Variants in BPIFB3 observed in about 807,000 individuals in gnomAD.
BPIFB3 encodes the protein BPI fold-containing family B member 3.
In BPIFB3, 49 loss-of-function variants were observed where a neutral mutation model predicts 53.1. That is an observed-to-expected ratio of 0.92 (90% CI 0.73 to 1.17). The LOEUF (loss-of-function observed/expected upper bound fraction) is 1.17, where lower values mean the gene tolerates loss of function less well. BPIFB3 is among the 50% of genes most tolerant of loss of function. The probability of loss-of-function intolerance (pLI) is 0.00; values close to 1 mark genes in which losing one functional copy is unlikely to be tolerated. For synonymous variants in BPIFB3, 271 were observed against 269.6 expected, an observed-to-expected ratio of 1.01 and a Z score of -0.05; for missense variants, 628 against 592.5, an observed-to-expected ratio of 1.06 and a Z score of -0.62.
intron 12 of BPIFB3, 148 bp downstream of exon 13, chr20:33,071,443 C>T: frequency 3.3e-6 from 3 of 899,798 alleles, no homozygotes; most frequent in Non-Finnish European, 5.1e-6. Context: ...GGGCAAATAT[C>T]AGGGCGGGTG....
exon 14 of BPIFB3, chr20:33,072,753 T>C: frequency 6.2e-7 from 1 of 1,613,890 alleles, no homozygotes; most frequent in Non-Finnish European, 8.5e-7. Flanking sequence ...CCTAAGGTTC[T>C]TAATATCAAT....
intron 8 of BPIFB3, among the ~76,000 whole-genome samples, chr20:33,066,164 C>A (rs1980663830): frequency 6.6e-6 from 1 of 152,074 alleles, no homozygotes; most frequent in African/African-American, 2.4e-5. Flanking sequence ...TCTCAAACAT[C>A]AGGGCCCCCG....
chr20:33,059,275 T>G, intron 2 of BPIFB3, 103 bp from the exon 4 acceptor site: 1 of 746,978 alleles, frequency 1.3e-6, no homozygotes, highest in Non-Finnish European at 2.3e-6. Flanking sequence ...GCTGGCTCTG[T>G]GGGTTTGAGG....
chr20:33,063,012 T>C (rs1243359293), intron 5 of BPIFB3, among the ~76,000 whole-genome samples: 1 of 152,224 alleles, frequency 6.6e-6, no homozygotes, highest in Non-Finnish European at 1.5e-5. Context: ...GACTGCATCC[T>C]CTCTGAGGCT....
intron 12 of BPIFB3, 73 bp from the exon 14 acceptor site, chr20:33,072,031 G>A (rs1338104530): frequency 1.3e-5 from 19 of 1,517,110 alleles, no homozygotes; most frequent in Non-Finnish European, 1.6e-5. Flanking sequence ...TCTCTCCCTG[G>A]GAACGGGATG....
chr20:33,065,163 T>C (rs1980620348), intron 8 of BPIFB3, among the ~76,000 whole-genome samples: 1 of 152,172 alleles, frequency 6.6e-6, no homozygotes, highest in Non-Finnish European at 1.5e-5. Flanking sequence ...CATACCTGTA[T>C]CAGATGAGCC....
chr20:33,059,291 TA>T, intron 2 of BPIFB3, 86 bp from the exon 4 acceptor site: 2 of 899,342 alleles, frequency 2.2e-6, no homozygotes, highest in South Asian at 1.5e-5. Context: ...TGAGGTGAGA[TA>T]GGGGACACCA....
chr20:33,070,253 G>A (rs1259922678), intron 11 of BPIFB3, among the ~76,000 whole-genome samples: 1 of 152,192 alleles, frequency 6.6e-6, no homozygotes, highest in Non-Finnish European at 1.5e-5. Context: ...CCAAACTCCT[G>A]AGTTATCAGC....
chr20:33,054,832 C>A (rs1600533802), upstream of BPIFB3, among the ~76,000 whole-genome samples: 1 of 152,298 alleles, frequency 6.6e-6, no homozygotes, highest in Middle Eastern at 3.4e-3. Flanking sequence ...ACCTGCCACC[C>A]CATTCCCTTT....
At chr20:33,064,140 GA>G (rs1345554859) in intron 6 of BPIFB3, among the ~76,000 whole-genome samples, 1 of 152,198 alleles carries the variant, frequency 6.6e-6, no homozygotes, top group Non-Finnish European at 1.5e-5. Context: ...ACCAGGAAAA[GA>G]ATAGAAAACT....
chr20:33,066,141 T>C (rs1181921513), intron 8 of BPIFB3, among the ~76,000 whole-genome samples: 1 of 152,086 alleles, frequency 6.6e-6, no homozygotes, highest in Non-Finnish European at 1.5e-5. Context: ...TGTAGTTCGG[T>C]GGGCGGGGGG....
intron 5 of BPIFB3, among the ~76,000 whole-genome samples, chr20:33,062,662 A>G (rs1189609759): frequency 1.3e-5 from 2 of 152,248 alleles, no homozygotes; most frequent in African/African-American, 4.8e-5. Flanking sequence ...TTTGAAAACG[A>G]GCATTCATTG....
upstream of BPIFB3, among the ~76,000 whole-genome samples, chr20:33,054,904 G>T (rs1980128050): frequency 2.6e-5 from 4 of 152,242 alleles, no homozygotes; most frequent in South Asian, 2.1e-4. Flanking sequence ...AAGTCTAAGT[G>T]TTGGGTGTCC....
At position 33,057,006 on chromosome 20, in the gene BPIFB3, G is replaced by A. The variant is rs536214106; in HGVS notation, c.281+308G>A. Among the ~76,000 whole-genome samples, 62 of 152,212 alleles carry A rather than the reference G, an allele frequency of 4.1e-4. 1 individual carries two copies. The highest frequency in any genetic ancestry group is 7.4e-4 in the Non-Finnish European group (50 of 68,016). Reference sequence around the variant, plus strand: ...GTTCCCTTTTTCACCTCCTCCAGGTGTCCGCTCAAAAGAGGTGTGGGCTGA... The same window carrying A: ...GTTCCCTTTTTCACCTCCTCCAGGTATCCGCTCAAAAGAGGTGTGGGCTGA... On this transcript the variant is annotated intron_variant, in intron 2 of 14. Coordinates refer to ENST00000375494, the Ensembl canonical transcript of BPIFB3.
chr20:33,056,545 T>C (rs1980212686), exon 2 of BPIFB3: 1 of 1,613,746 alleles, frequency 6.2e-7, no homozygotes, highest in Non-Finnish European at 8.5e-7. Flanking sequence ...TCTGCAGCCA[T>C]CCAGAACTCA....
rs80093573 is a variant in BPIFB3 at position 33,072,593 on chromosome 20, C to A, written c.1325-124C>A. 6.8e-3 allele frequency: 5,356 copies of A among 792,360 alleles called. 183 individuals are homozygous for A. In the East Asian group the frequency reaches 0.081, roughly 12 times the overall value. The allele number at this position is 792,360 out of a possible 1,614,324, so 49.1% of individuals were successfully genotyped here. ...GGAGTTTGCCAATAAGAAGCTGATT[C>A]TGTGAGAAGAGAACTGGCTGGCTAG... On this transcript the variant is annotated intron_variant, in intron 13 of 14. Coordinates refer to ENST00000375494, the Ensembl canonical transcript of BPIFB3.
At chr20:33,057,256 T>G (rs572092622) in intron 2 of BPIFB3, among the ~76,000 whole-genome samples, 1 of 152,236 alleles carries the variant, frequency 6.6e-6, no homozygotes, top group South Asian at 2.1e-4. Flanking sequence ...TGGCATGATC[T>G]CGGCTCACTG....
At chr20:33,064,643 G>A (rs776850612) in intron 7 of BPIFB3, 23 bp from the exon 9 acceptor site, 10 of 1,612,998 alleles carry the variant, frequency 6.2e-6, no homozygotes, top group Middle Eastern at 1.6e-4. Context: ...GACCCTCCTC[G>A]GCCCTGTTTC....
At chr20:33,055,389 G>T (rs1980146732), upstream of BPIFB3, 2 of 1,608,570 alleles carry the variant, frequency 1.2e-6, no homozygotes. Context: ...AGCAGGAGAA[G>T]GGTCTCAGAG....
Sources: allele counts gnomAD v4.1 joint callset (sites outside exome capture counted in the v4.1 genomes callset), GRCh38; gene constraint gnomAD v4.1.1; transcripts MANE v1.5; gene names NCBI Gene and HGNC (gene_info 2026-07-23, HGNC 2026-07-21).